The following CD9 variants were observed in gnomAD, a reference collection of about 807,000 sequenced individuals.
The protein encoded by CD9 is CD9 molecule, also known as CD9 antigen.
CD9 carries 10 observed loss-of-function variants against 31.4 expected under a neutral mutation model. The observed-to-expected ratio is 0.32, with a 90% CI of 0.20 to 0.54. The LOEUF (loss-of-function observed/expected upper bound fraction) is 0.54. Among genes scored for constraint, CD9 ranks in the 20% least tolerant of loss-of-function variants. The probability of loss-of-function intolerance (pLI) is 0.94; values close to 1 mark genes in which losing one functional copy is unlikely to be tolerated. For synonymous variants in CD9, 113 were observed against 114.1 expected (o/e 0.99, Z 0.06); for missense variants, 259 against 300.1 (o/e 0.86, Z 1.01).
Position 6,238,126 on chromosome 12 carries a change from G to T in CD9, c.*298G>T, listed in dbSNP as rs1591984190. 3.5e-6 allele frequency: 1 copy of T among 288,464 alleles called. No homozygotes were observed. The allele number at this position is 288,464 out of a possible 1,614,324, so 17.9% of individuals were successfully genotyped here. On this transcript the variant is annotated 3_prime_UTR_variant, in exon 8 of 8. Coordinates refer to ENST00000009180, the MANE Select transcript of CD9 (RefSeq NM_001769.4). ...TCCTGCAATGAAAGGTACTATATTTGCTAGACTCTAGACAAGATATTGTAC... is the reference window on the plus strand; with the variant it reads ...TCCTGCAATGAAAGGTACTATATTTTCTAGACTCTAGACAAGATATTGTAC...
chr12:6,223,261 CTTTT>C (rs11307227), intron 1 of CD9, among the ~76,000 whole-genome samples: 4 of 133,196 alleles, frequency 3.0e-5, no homozygotes, highest in African/African-American at 2.9e-5. Context: ...CACCTTTGTA[CTTTT>C]TTTTTTTTTT....
At chr12:6,207,802 G>A (rs1441885077) in intron 1 of CD9, among the ~76,000 whole-genome samples, 4 of 152,228 alleles carry the variant, frequency 2.6e-5, no homozygotes, top group Non-Finnish European at 4.4e-5. Flanking sequence ...CCGGTAGAGA[G>A]AAGTTTGGGG....
intron 1 of CD9, among the ~76,000 whole-genome samples, chr12:6,222,321 C>T (rs11568284): frequency 0.041 from 6,310 of 152,254 alleles, 159 homozygotes; most frequent in Non-Finnish European, 0.059. Flanking sequence ...TGATTTTTGT[C>T]CAAGTGTTCC....
At chr12:6,231,435 G>A (rs979145590) in intron 2 of CD9, among the ~76,000 whole-genome samples, 2 of 152,198 alleles carry the variant, frequency 1.3e-5, no homozygotes, top group African/African-American at 2.4e-5. Flanking sequence ...CCTCTCCCAA[G>A]GCTAGATAGA....
chr12:6,205,734 G>T (rs951839176), intron 1 of CD9, among the ~76,000 whole-genome samples: 2 of 152,220 alleles, frequency 1.3e-5, no homozygotes, highest in Non-Finnish European at 2.9e-5. Flanking sequence ...TGACAAAGGC[G>T]CCTTTTCTTC....
chr12:6,212,856 T>C (rs1198578022), intron 1 of CD9, among the ~76,000 whole-genome samples: 1 of 152,068 alleles, frequency 6.6e-6, no homozygotes, highest in African/African-American at 2.4e-5. Context: ...TGTGGACCCC[T>C]CTCCCCAGCC....
Position 6,232,630 on chromosome 12 carries a change from A to G in CD9, c.176-2A>G, listed in dbSNP as rs1191260085. 2 of 1,561,478 alleles carry G rather than the reference A, an allele frequency of 1.3e-6. No homozygotes were observed. Among genetic ancestry groups the G allele is most frequent in the Non-Finnish European group, 1.7e-6 (2 of 1,153,240 alleles). ...GTGTGTGCTTCCTCTGTCCTCCCGC[A>G]GGAGTCTATATTCTGATCGGAGCCG... is the stretch of plus-strand genomic sequence containing the variant. On this transcript the variant is annotated splice_acceptor_variant, in intron 2 of 7. Transcript: ENST00000009180. LOFTEE classifies it high-confidence loss of function. This position sits in a 1 kb window ranked among gnomAD's most constrained non-coding sequence, Gnocchi z 4.8.
chr12:6,204,622 G>C (rs1946110939), intron 1 of CD9, among the ~76,000 whole-genome samples: 1 of 152,154 alleles, frequency 6.6e-6, no homozygotes, highest in Admixed American at 6.5e-5. Context: ...CCAGTCCTGG[G>C]TTCCATGTCT....
intron 1 of CD9, among the ~76,000 whole-genome samples, chr12:6,211,809 A>G (rs1441616386): frequency 6.6e-6 from 1 of 152,220 alleles, no homozygotes; most frequent in African/African-American, 2.4e-5. Context: ...CGCGTCTGGC[A>G]AGCAGGCAGT....
Position 6,235,501 on chromosome 12 carries a change from G to A in CD9, c.473G>A (p.Gly158Asp). Residue 158 changes from glycine (G) to aspartate (D), a missense_variant, in exon 6 of 8, where the codon GGC becomes GAC. Physicochemically the swap from Gly to Asp is moderately conservative, Grantham distance 94. Coordinates refer to ENST00000009180, the MANE Select transcript of CD9 (RefSeq NM_001769.4). ...TTGAACTGCTGTGGTTTGGCTGGGG[G>A]CGTGGAACAGTTTATCTCAGACATC... is the stretch of plus-strand genomic sequence containing the variant. ...YALNCCGLAGGVEQFISDICP... is the reference protein window; with the variant it reads ...YALNCCGLAGDVEQFISDICP... The A allele has an allele frequency of 6.2e-7, 1 of 1,614,050 alleles. No individual in the cohort carries two copies. The highest frequency in any genetic ancestry group is 2.2e-5 in the East Asian group (1 of 44,880).
At chr12:6,236,168 C>T (rs1295687877) in intron 6 of CD9, 24 bp from the exon 7 acceptor site, 1 of 1,613,764 alleles carries the variant, frequency 6.2e-7, no homozygotes, top group African/African-American at 1.3e-5. Flanking sequence ...GTGTGTGACC[C>T]AGGTCTTGGT....
intron 1 of CD9, among the ~76,000 whole-genome samples, chr12:6,201,883 A>T (rs1405835344): frequency 6.6e-6 from 1 of 152,138 alleles, no homozygotes; most frequent in Admixed American, 6.5e-5. Flanking sequence ...ACAAAAAAAT[A>T]AAAAATTAGC....
At chr12:6,200,012 C>CT (rs1311202696), upstream of CD9, 1 of 152,216 alleles carries the variant, frequency 6.6e-6, no homozygotes, top group East Asian at 1.9e-4. Context: ...TCTCCCAAAG[C>CT]AGAACGCCCG....
At chr12:6,211,887 G>T (rs1252083534) in intron 1 of CD9, among the ~76,000 whole-genome samples, 1 of 152,166 alleles carries the variant, frequency 6.6e-6, no homozygotes, top group Non-Finnish European at 1.5e-5. Flanking sequence ...CTCCCAATCA[G>T]CCCCAACATC....
intron 1 of CD9, among the ~76,000 whole-genome samples, chr12:6,203,356 G>A (rs938731892): frequency 1.3e-5 from 2 of 152,164 alleles, no homozygotes; most frequent in African/African-American, 4.8e-5. Flanking sequence ...CACCACGTCC[G>A]TTTCTCTCTT....
intron 1 of CD9, 179 bp downstream of exon 1, chr12:6,200,744 G>C: frequency 2.1e-6 from 1 of 479,900 alleles, no homozygotes. Flanking sequence ...AGAGCCGGGC[G>C]GGACGGCCGC....
At chr12:6,237,717 T>G in intron 7 of CD9, 46 bp from the exon 8 acceptor site, 1 of 1,457,556 alleles carries the variant, frequency 6.9e-7, no homozygotes, top group Non-Finnish European at 9.6e-7. Flanking sequence ...TCAGCCTTCC[T>G]TCAGATCAAA....
At chr12:6,219,754 G>T (rs1946275234) in intron 1 of CD9, among the ~76,000 whole-genome samples, 1 of 152,174 alleles carries the variant, frequency 6.6e-6, no homozygotes, top group Non-Finnish European at 1.5e-5. Context: ...CAAAGTGCTG[G>T]GATGACAGGC....
At chr12:6,206,556 C>A (rs1946134973) in intron 1 of CD9, among the ~76,000 whole-genome samples, 1 of 152,158 alleles carries the variant, frequency 6.6e-6, no homozygotes, top group Non-Finnish European at 1.5e-5. Context: ...TAAGGCCTGA[C>A]TACAGATTAC....
Sources: allele counts gnomAD v4.1 joint callset (sites outside exome capture counted in the v4.1 genomes callset), GRCh38; gene constraint gnomAD v4.1.1; non-coding constraint Gnocchi (gnomAD v3.1); transcripts MANE v1.5; gene names NCBI Gene and HGNC (gene_info 2026-07-23, HGNC 2026-07-21).